SMYD3: variants seen among roughly 807,000 people sequenced by gnomAD.
The protein encoded by SMYD3 is SET and MYND domain containing 3.
A neutral mutation model predicts 57.7 loss-of-function variants in SMYD3; 36 were observed. The ratio of observed to expected loss-of-function variants is 0.62; its 90% confidence interval spans 0.48 to 0.82. SMYD3 has a LOEUF of 0.82. Ranked by LOEUF, SMYD3 falls within the 40% of genes least tolerant of loss-of-function variation. The pLI, the probability that SMYD3 is intolerant of heterozygous loss-of-function variation, is 0.00. For synonymous variants in SMYD3, 211 were observed against 195.0 expected, an observed-to-expected ratio of 1.08 and a Z score of -0.68; for missense variants, 515 against 538.8, an observed-to-expected ratio of 0.96 and a Z score of 0.44.
At chr1:246,081,698 G>C (rs2060639927) in intron 5 of SMYD3, among the ~76,000 whole-genome samples, 1 of 152,076 alleles carries the variant, frequency 6.6e-6, no homozygotes, top group Non-Finnish European at 1.5e-5. Flanking sequence ...CCAGCCCCTA[G>C]CTTCTATTTT....
chr1:246,398,043 T>C (rs902620302), intron 1 of SMYD3, among the ~76,000 whole-genome samples: 4 of 152,162 alleles, frequency 2.6e-5, no homozygotes, highest in African/African-American at 9.7e-5. Context: ...ACTAGAATGC[T>C]AAAGTCTGAA....
chr1:246,282,153 A>C (rs1236363790), intron 5 of SMYD3, among the ~76,000 whole-genome samples: 1 of 151,992 alleles, frequency 6.6e-6, no homozygotes, highest in African/African-American at 2.4e-5. Flanking sequence ...TCATAAAAAC[A>C]AATATAATGT....
At chr1:246,448,119 A>G (rs943262523) in intron 1 of SMYD3, among the ~76,000 whole-genome samples, 2 of 152,220 alleles carry the variant, frequency 1.3e-5, no homozygotes, top group African/African-American at 4.8e-5. Context: ...CGGGAGGCTG[A>G]GGCAGGAGAA....
chr1:246,276,185 G>C (rs1333826864), intron 5 of SMYD3, among the ~76,000 whole-genome samples: 2 of 123,426 alleles, frequency 1.6e-5, no homozygotes, highest in African/African-American at 5.7e-5. Context: ...TACTAACTCT[G>C]TTTTTTACTA....
intron 1 of SMYD3, among the ~76,000 whole-genome samples, chr1:246,399,535 G>C (rs1409416778): frequency 6.6e-6 from 1 of 151,836 alleles, no homozygotes; most frequent in Non-Finnish European, 1.5e-5. Flanking sequence ...TGTACTTTTG[G>C]GTTTTTCCAC....
intron 10 of SMYD3, among the ~76,000 whole-genome samples, chr1:245,780,877 T>C (rs886246410): frequency 3.3e-5 from 5 of 152,154 alleles, no homozygotes; most frequent in African/African-American, 9.7e-5. Context: ...AGTAGATAAA[T>C]ATGATGTACT....
In SMYD3 at chr1:246,370,696, A is replaced by G. The variant is rs945106371; in HGVS notation, c.165-15602T>C. On this transcript the variant is annotated intron_variant, in intron 1 of 11. Transcript: ENST00000490107. ...GTTCAGGATAGTTTTGTCCATCTCTATCAGAAAAGTTTCTTCTATATCACT... is the reference window on the plus strand; with the variant it reads ...GTTCAGGATAGTTTTGTCCATCTCTGTCAGAAAAGTTTCTTCTATATCACT... Among the ~76,000 whole-genome samples, 15 of 152,224 alleles carry G rather than the reference A, an allele frequency of 9.9e-5. 1 individual carries two copies. Among genetic ancestry groups the G allele is most frequent in the Admixed American group, 6.5e-5 (1 of 15,286 alleles).
At chr1:246,299,189 C>T (rs928350097) in intron 5 of SMYD3, among the ~76,000 whole-genome samples, 2 of 151,984 alleles carry the variant, frequency 1.3e-5, no homozygotes, top group African/African-American at 4.8e-5. Context: ...ACTTCAATAG[C>T]GTACTGGTTC....
intron 1 of SMYD3, among the ~76,000 whole-genome samples, chr1:246,409,435 C>T (rs2066924776): frequency 6.6e-6 from 1 of 152,184 alleles, no homozygotes; most frequent in Non-Finnish European, 1.5e-5. Flanking sequence ...AATAGGGAAT[C>T]CTTTCCCCAT....
At chr1:246,165,295 A>G (rs1307457047) in intron 5 of SMYD3, among the ~76,000 whole-genome samples, 1 of 152,212 alleles carries the variant, frequency 6.6e-6, no homozygotes, top group Non-Finnish European at 1.5e-5. Flanking sequence ...GAAAGGAGAG[A>G]TGATTCAAAG....
intron 5 of SMYD3, among the ~76,000 whole-genome samples, chr1:246,245,977 T>C (rs765154266): frequency 6.6e-6 from 1 of 152,242 alleles, no homozygotes; most frequent in Non-Finnish European, 1.5e-5. Context: ...AAAATTCATT[T>C]GTTTTTGGTG....
At chr1:245,936,903 A>G (rs1471122005) in intron 5 of SMYD3, among the ~76,000 whole-genome samples, 1 of 152,236 alleles carries the variant, frequency 6.6e-6, no homozygotes, top group Admixed American at 6.5e-5. Flanking sequence ...AATTTACAGC[A>G]GGTTAAACCA....
At chr1:246,240,108 GTCTACTTT>G (rs2063581700) in intron 5 of SMYD3, among the ~76,000 whole-genome samples, 1 of 152,108 alleles carries the variant, frequency 6.6e-6, no homozygotes, top group South Asian at 2.1e-4. Flanking sequence ...GAACCCATTT[GTCTACTTT>G]GGCTTTTGTT....
intron 1 of SMYD3, among the ~76,000 whole-genome samples, chr1:246,426,708 T>C (rs1219100176): frequency 3.9e-5 from 6 of 152,200 alleles, no homozygotes; most frequent in African/African-American, 1.4e-4. Flanking sequence ...GCCAGTACAA[T>C]GGTCCCAACC....
Position 246,313,477 on chromosome 1 carries a change from T to C in SMYD3, c.531+13724A>G, listed in dbSNP as rs74154372. On this transcript the variant is annotated intron_variant, in intron 5 of 11. Coordinates refer to ENST00000490107, the MANE Select transcript of SMYD3 (RefSeq NM_001167740.2). ...CATCGGGGAAGGAAAGGAAATTCTA[T>C]TAAGGATATTTTTAATTCTGATCCT... Among the ~76,000 whole-genome samples, 586 of 152,298 alleles carry C rather than the reference T, an allele frequency of 3.8e-3. 6 individuals carry two copies. The highest frequency in any genetic ancestry group is 0.014 in the African/African-American group (564 of 41,570).
chr1:245,943,301 G>A (rs2057320877), intron 5 of SMYD3, among the ~76,000 whole-genome samples: 1 of 150,654 alleles, frequency 6.6e-6, no homozygotes, highest in South Asian at 2.1e-4. Flanking sequence ...AATGATAAAG[G>A]GGATATCACC....
At chr1:246,485,363 CCTGT>C (rs1249105419) in intron 1 of SMYD3, among the ~76,000 whole-genome samples, 4 of 152,216 alleles carry the variant, frequency 2.6e-5, no homozygotes, top group Admixed American at 1.3e-4. Context: ...TAGATAAAAT[CCTGT>C]CTGTACATTT....
chr1:245,959,461 G>T (rs1044525168), intron 5 of SMYD3, among the ~76,000 whole-genome samples: 1 of 152,230 alleles, frequency 6.6e-6, no homozygotes, highest in East Asian at 1.9e-4. Context: ...ACTTGGTTGT[G>T]TGATTTTTGG....
intron 5 of SMYD3, among the ~76,000 whole-genome samples, chr1:245,944,711 G>A (rs12064270): frequency 0.17 from 25,540 of 152,136 alleles, 3,640 homozygotes; most frequent in African/African-American, 0.39. Context: ...GAACAAAGCC[G>A]GAGGCATCAT....
Sources: allele counts gnomAD v4.1 joint callset (sites outside exome capture counted in the v4.1 genomes callset), GRCh38; gene constraint gnomAD v4.1.1; transcripts MANE v1.5; gene names NCBI Gene and HGNC (gene_info 2026-07-23, HGNC 2026-07-21).